PLCB4: variants seen among roughly 807,000 people sequenced by gnomAD.
PLCB4 encodes phospholipase C beta 4.
A neutral mutation model predicts 178.8 loss-of-function variants in PLCB4; 77 were observed. The ratio of observed to expected loss-of-function variants is 0.43; its 90% CI spans 0.36 to 0.52. PLCB4 has a LOEUF of 0.52. Ranked by LOEUF, PLCB4 falls within the 20% of genes least tolerant of loss-of-function variation. The pLI, the probability that PLCB4 is intolerant of heterozygous loss-of-function variation, is 0.00. For missense variants in PLCB4, 1,024 were observed against 1,453.4 expected, an observed-to-expected ratio of 0.70 and a Z score of 4.80; for synonymous variants, 496 against 490.8, an observed-to-expected ratio of 1.01 and a Z score of -0.14.
intron 3 of PLCB4, among the ~76,000 whole-genome samples, chr20:9,247,945 G>A (rs536756178): frequency 2.0e-5 from 3 of 151,812 alleles, no homozygotes; most frequent in East Asian, 3.9e-4. Flanking sequence ...AATTTAAATA[G>A]CCTGTAATAC....
At chr20:9,359,534 CAG>C (rs1234503771) in intron 7 of PLCB4, among the ~76,000 whole-genome samples, 1 of 152,150 alleles carries the variant, frequency 6.6e-6, no homozygotes, top group Non-Finnish European at 1.5e-5. Flanking sequence ...GCTAGGGAAA[CAG>C]GGAAACCGTG....
At chr20:9,361,487 G>A (rs1352272735) in intron 7 of PLCB4, among the ~76,000 whole-genome samples, 3 of 152,152 alleles carry the variant, frequency 2.0e-5, no homozygotes, top group African/African-American at 7.2e-5. Flanking sequence ...TGGGAGGAGG[G>A]GGAGATGGGG....
intron 4 of PLCB4, among the ~76,000 whole-genome samples, chr20:9,332,132 T>C (rs2031765731): frequency 6.6e-6 from 1 of 152,216 alleles, no homozygotes; most frequent in East Asian, 1.9e-4. Flanking sequence ...GAAAATTCTG[T>C]TACCATTTAA....
At chr20:9,395,673 A>G in intron 19 of PLCB4, 55 bp downstream of exon 19, 1 of 1,308,084 alleles carries the variant, frequency 7.6e-7, no homozygotes, top group Non-Finnish European at 1.1e-6. Flanking sequence ...TTTTTAAATA[A>G]GAAAACCAGG....
chr20:9,345,817 A>G (rs1036146780), intron 7 of PLCB4, among the ~76,000 whole-genome samples: 11 of 152,238 alleles, frequency 7.2e-5, no homozygotes, highest in Non-Finnish European at 1.0e-4. Context: ...ACAAAAAGAT[A>G]AAGTCAGGTT....
At position 9,106,237 on chromosome 20, in the gene PLCB4, A is replaced by G. The variant is rs73609414; in HGVS notation, c.-79+9895A>G. On this transcript the variant is annotated intron_variant, in intron 2 of 39. Coordinates refer to ENST00000378473, the MANE Select transcript of PLCB4 (RefSeq NM_001377142.1). ...AAGTGCAAATTAAACCAACAGTGGTATATTATTAGGTTGGTACAAAAGTAA... is the reference window on the plus strand; with the variant it reads ...AAGTGCAAATTAAACCAACAGTGGTGTATTATTAGGTTGGTACAAAAGTAA... 3.9e-3 allele frequency among the ~76,000 whole-genome samples: 600 copies of G among 152,098 alleles called. 2 individuals are homozygous for G. The highest frequency in any genetic ancestry group is 0.013 in the African/African-American group (539 of 41,544).
At chr20:9,466,797 G>A (rs541489939) in intron 35 of PLCB4, among the ~76,000 whole-genome samples, 9 of 152,312 alleles carry the variant, frequency 5.9e-5, no homozygotes, top group African/African-American at 1.9e-4. Flanking sequence ...TGGAGAGGAC[G>A]TGGAGAAATA....
Position 9,140,521 on chromosome 20 carries a change from A to G in PLCB4, c.-79+44179A>G, listed in dbSNP as rs536545195. Among the ~76,000 whole-genome samples the G allele has an allele frequency of 3.3e-5, 5 of 151,834 alleles. No homozygotes were observed. In the South Asian group the frequency reaches 1.0e-3, roughly 32 times the overall value. ...TGTCCCTTCCAAATCTCAAGTTGAA[A>G]TATGATCCCGAATGTTGGAGGGGGG... On this transcript the variant is annotated intron_variant, in intron 2 of 39. Coordinates refer to ENST00000378473, the MANE Select transcript of PLCB4 (RefSeq NM_001377142.1).
intron 2 of PLCB4, among the ~76,000 whole-genome samples, chr20:9,131,352 T>C (rs1300242428): frequency 6.6e-6 from 1 of 152,058 alleles, no homozygotes; most frequent in East Asian, 1.9e-4. Context: ...AAGCTAAAGC[T>C]AGAGTCAGGC....
chr20:9,282,545 A>G (rs988876692), intron 3 of PLCB4, among the ~76,000 whole-genome samples: 1 of 151,838 alleles, frequency 6.6e-6, no homozygotes, highest in Admixed American at 6.6e-5. Flanking sequence ...GTATCTCCTT[A>G]ATACTCTTCA....
intron 4 of PLCB4, among the ~76,000 whole-genome samples, chr20:9,321,736 C>T (rs753674659): frequency 2.2e-4 from 33 of 152,006 alleles, no homozygotes; most frequent in South Asian, 6.2e-4. Context: ...CAAGTTCAAG[C>T]GATTCTTCTG....
At chr20:9,357,209 A>G (rs2148199834) in intron 7 of PLCB4, among the ~76,000 whole-genome samples, 1 of 152,352 alleles carries the variant, frequency 6.6e-6, no homozygotes, top group Admixed American at 6.5e-5. Context: ...TGTTTTAAAT[A>G]TTTCAGATGG....
chr20:9,161,969 A>G (rs977879563), intron 2 of PLCB4, among the ~76,000 whole-genome samples: 2 of 152,200 alleles, frequency 1.3e-5, no homozygotes, highest in South Asian at 4.1e-4. Flanking sequence ...TAGATGTTCA[A>G]TGCAGCCAGC....
chr20:9,325,164 G>A (rs1032719996), intron 4 of PLCB4, among the ~76,000 whole-genome samples: 1 of 152,146 alleles, frequency 6.6e-6, no homozygotes, highest in Non-Finnish European at 1.5e-5. Flanking sequence ...GGTGTTTCCG[G>A]TGCAACTACA....
chr20:9,244,620 A>T (rs2094104915), intron 3 of PLCB4, among the ~76,000 whole-genome samples: 3 of 152,200 alleles, frequency 2.0e-5, no homozygotes, highest in Admixed American at 2.0e-4. Context: ...ACAACAGTTT[A>T]GTCAGTCTGT....
At chr20:9,245,411 G>T (rs528261777) in intron 3 of PLCB4, among the ~76,000 whole-genome samples, 1 of 152,306 alleles carries the variant, frequency 6.6e-6, no homozygotes, top group African/African-American at 2.4e-5. Flanking sequence ...TATGGCAAAA[G>T]ATGTGATTAA....
intron 3 of PLCB4, among the ~76,000 whole-genome samples, chr20:9,267,591 G>C (rs2094361882): frequency 6.6e-6 from 1 of 151,832 alleles, no homozygotes; most frequent in Non-Finnish European, 1.5e-5. Context: ...CTTTTTGGGG[G>C]GTTAAAACTC....
intron 7 of PLCB4, among the ~76,000 whole-genome samples, chr20:9,359,425 TC>T (rs1356077625): frequency 1.3e-5 from 2 of 152,132 alleles, no homozygotes; most frequent in Non-Finnish European, 2.9e-5. Flanking sequence ...AGTCTTTCTT[TC>T]CCCCTTCTTC....
chr20:9,400,715 C>G (rs1040053682), intron 19 of PLCB4, among the ~76,000 whole-genome samples: 2 of 152,158 alleles, frequency 1.3e-5, no homozygotes, highest in African/African-American at 4.8e-5. Flanking sequence ...GAATCCAAAT[C>G]TCACCTCAGC....
Sources: gnomAD v4.1 joint callset for allele counts (sites outside exome capture counted in the v4.1 genomes callset) on GRCh38, gnomAD v4.1.1 for gene constraint, MANE v1.5 for transcripts, NCBI Gene and HGNC (gene_info 2026-07-23, HGNC 2026-07-21) for gene names.